FAM13C: variants seen among roughly 807,000 people sequenced by gnomAD.
FAM13C encodes family with sequence similarity 13 member C.
FAM13C carries 37 observed loss-of-function variants against 73.2 expected under a neutral mutation model. The ratio of observed to expected loss-of-function variants is 0.51; its 90% CI spans 0.39 to 0.67. FAM13C has a LOEUF of 0.67. Ranked by LOEUF, FAM13C falls within the 30% of genes least tolerant of loss-of-function variation. The pLI is 0.00. For synonymous variants in FAM13C, 246 were observed against 260.9 expected (o/e 0.94, Z 0.55); for missense variants, 589 against 715.6 (o/e 0.82, Z 2.02).
chr10:59,292,510 AC>A, intron 5 of FAM13C, among the ~76,000 whole-genome samples: 1 of 152,270 alleles, frequency 6.6e-6, no homozygotes. Flanking sequence ...TAGGCCATCT[AC>A]TTTTTCTGAT....
intron 5 of FAM13C, among the ~76,000 whole-genome samples, chr10:59,298,890 A>G (rs1326742568): frequency 6.6e-6 from 1 of 152,188 alleles, no homozygotes; most frequent in Non-Finnish European, 1.5e-5. Flanking sequence ...GTAAGATCTC[A>G]CTTATAAGTG....
At chr10:59,320,474 G>A (rs1029301940) in intron 4 of FAM13C, among the ~76,000 whole-genome samples, 7 of 152,204 alleles carry the variant, frequency 4.6e-5, no homozygotes, top group African/African-American at 1.7e-4. Context: ...AATCAGAAGA[G>A]CAAGCCAGCT....
At chr10:59,343,233 A>G (rs1436696327) in intron 3 of FAM13C, among the ~76,000 whole-genome samples, 4 of 152,224 alleles carry the variant, frequency 2.6e-5, no homozygotes, top group Non-Finnish European at 5.9e-5. Context: ...ATCATAATGA[A>G]GCAGGTGTTT....
At chr10:59,344,565 A>G (rs75445350) in intron 3 of FAM13C, among the ~76,000 whole-genome samples, 24,369 of 152,074 alleles carry the variant, frequency 0.16, 2,224 homozygotes, top group East Asian at 0.32. Flanking sequence ...TACAGGCTTG[A>G]GCCATCACGC....
chr10:59,312,156 A>G (rs1445715751), intron 4 of FAM13C, among the ~76,000 whole-genome samples: 2 of 152,160 alleles, frequency 1.3e-5, no homozygotes, highest in Non-Finnish European at 2.9e-5. Context: ...TGAATAGCTG[A>G]TGAATATTTG....
chr10:59,335,384 G>A (rs1247821525), intron 3 of FAM13C, among the ~76,000 whole-genome samples: 1 of 152,122 alleles, frequency 6.6e-6, no homozygotes, highest in Non-Finnish European at 1.5e-5. Context: ...TTCACTTTGA[G>A]GAAGTCTTTA....
In FAM13C at chr10:59,286,516, A is replaced by AATATATATATATATATATAT. The variant is rs1159774665; in HGVS notation, c.508-3089_508-3070dup. ...GGCAACAGAGCAAGACTCCATCTCA[A>AATATATATATATATATATAT]ATATATATATATATATATATATATA... On this transcript the variant is annotated intron_variant, in intron 5 of 13. Coordinates refer to ENST00000618804, the MANE Select transcript of FAM13C (RefSeq NM_198215.4). Among the ~76,000 whole-genome samples, 243 of 110,850 alleles carry AATATATATATATATATATAT rather than the reference A, an allele frequency of 2.2e-3. 3 individuals carry two copies. The highest frequency in any genetic ancestry group is 6.5e-3 in the African/African-American group (190 of 29,242). The allele number at this position is 110,850 out of a possible 152,430, so 72.7% of individuals were successfully genotyped here. A position where few individuals can be genotyped will look rare whatever the true frequency, so the allele number is the denominator to read the frequency against.
intron 4 of FAM13C, among the ~76,000 whole-genome samples, chr10:59,314,244 A>T (rs1366827768): frequency 6.6e-6 from 1 of 152,208 alleles, no homozygotes; most frequent in Middle Eastern, 3.2e-3. Context: ...AAAAACCTTC[A>T]TGGAGGAAGG....
intron 5 of FAM13C, among the ~76,000 whole-genome samples, chr10:59,288,247 T>G (rs1026736551): frequency 3.3e-5 from 5 of 152,152 alleles, no homozygotes; most frequent in African/African-American, 1.2e-4. Context: ...ATCCCAGCAC[T>G]TTGGGAGGCC....
At chr10:59,362,643 A>G, upstream of FAM13C, 1 of 1,382,850 alleles carries the variant, frequency 7.2e-7, no homozygotes, top group Non-Finnish European at 9.5e-7. Context: ...CGGGCGAACC[A>G]CAAAGCCCGG....
At chr10:59,357,537 T>A (rs948233632) in intron 1 of FAM13C, among the ~76,000 whole-genome samples, 1 of 152,242 alleles carries the variant, frequency 6.6e-6, no homozygotes, top group Non-Finnish European at 1.5e-5. Context: ...ATTGAGTATT[T>A]ACTGAATCCA....
intron 4 of FAM13C, among the ~76,000 whole-genome samples, chr10:59,320,598 C>G (rs536608109): frequency 6.6e-6 from 1 of 152,264 alleles, no homozygotes; most frequent in Admixed American, 6.5e-5. Context: ...GCAGCCTTCC[C>G]AGACAGAGTA....
At chr10:59,253,213 G>C (rs2133377703) in intron 11 of FAM13C, among the ~76,000 whole-genome samples, 1 of 152,326 alleles carries the variant, frequency 6.6e-6, no homozygotes, top group South Asian at 2.1e-4. Flanking sequence ...CAGCAGTCAT[G>C]CTGGGCTAAA....
chr10:59,256,467 CCAGA>C (rs1207230574), intron 10 of FAM13C, among the ~76,000 whole-genome samples: 2 of 152,116 alleles, frequency 1.3e-5, no homozygotes, highest in Admixed American at 1.3e-4. Context: ...TCCACAGATG[CCAGA>C]CAAAAATTCG....
chr10:59,305,156 T>G (rs746217724), intron 4 of FAM13C, among the ~76,000 whole-genome samples: 6 of 152,192 alleles, frequency 3.9e-5, no homozygotes, highest in Non-Finnish European at 5.9e-5. Flanking sequence ...GAAGCTGGGT[T>G]TTGCCACTAC....
At chr10:59,348,408 T>C (rs1420404269) in intron 3 of FAM13C, among the ~76,000 whole-genome samples, 7 of 152,228 alleles carry the variant, frequency 4.6e-5, no homozygotes, top group African/African-American at 7.2e-5. Context: ...TCAAAACTCT[T>C]ATGAAATAGT....
At chr10:59,325,820 T>C (rs1274425365) in intron 3 of FAM13C, among the ~76,000 whole-genome samples, 1 of 152,156 alleles carries the variant, frequency 6.6e-6, no homozygotes, top group Non-Finnish European at 1.5e-5. Flanking sequence ...CAGTTAATCC[T>C]TGCAGAATTA....
chr10:59,298,058 C>T (rs1241947362), intron 5 of FAM13C, among the ~76,000 whole-genome samples: 1 of 152,240 alleles, frequency 6.6e-6, no homozygotes, highest in African/African-American at 2.4e-5. Flanking sequence ...GATTATTTAG[C>T]ATCTGCTTCT....
chr10:59,251,369 C>T, intron 13 of FAM13C: 1 of 531,778 alleles, frequency 1.9e-6, no homozygotes, highest in Admixed American at 3.6e-5. Flanking sequence ...AGATTGATGT[C>T]ATACCTGACA....
Sources: gnomAD v4.1 joint callset for allele counts (sites outside exome capture counted in the v4.1 genomes callset) on GRCh38, gnomAD v4.1.1 for gene constraint, MANE v1.5 for transcripts, NCBI Gene and HGNC (gene_info 2026-07-23, HGNC 2026-07-21) for gene names.